Variants in IFT172 observed in about 807,000 individuals in gnomAD.
IFT172 encodes intraflagellar transport 172, also known as intraflagellar transport protein 172 homolog.
Under a neutral mutation model 248.9 loss-of-function variants are expected in IFT172, and 164 were observed. That is an observed-to-expected ratio of 0.66 (90% CI 0.58 to 0.75). The LOEUF is 0.75. Among genes scored for constraint, IFT172 ranks in the 30% least tolerant of loss-of-function variants. The pLI, the probability that IFT172 is intolerant of heterozygous loss-of-function variation, is 0.00. For missense variants in IFT172, 1,950 were observed against 2,192.4 expected (o/e 0.89, Z 2.21); for synonymous variants, 729 against 791.6 (o/e 0.92, Z 1.33).
intron 8 of IFT172, 116 bp from the exon 9 acceptor site, chr2:27,480,265 A>C: frequency 7.1e-7 from 1 of 1,400,666 alleles, no homozygotes; most frequent in Non-Finnish European, 9.4e-7. Flanking sequence ...AAATAAAAAG[A>C]ACAGACAAGC....
At position 27,462,723 on chromosome 2, in the gene IFT172, G is replaced by A; in HGVS notation, c.2093C>T (p.Ala698Val). ...LAMLEKNYKL[A>V]EMIFLEQNAV... The stretch of plus-strand genomic sequence containing the variant: ...TACCTGTTCCAAAAAGATCATTTCA[G>A]CCAGTTTGTAGTTCTTTTCCAGCAT... The change falls in exon 20 of 48, where the codon GCT (alanine) becomes GTT (valine). Residue 698 changes from alanine to valine, a missense_variant. By Grantham distance (64) the Ala-to-Val change is moderately conservative. Coordinates refer to ENST00000260570, the MANE Select transcript of IFT172 (RefSeq NM_015662.3). 4 of 1,613,640 alleles carry A rather than the reference G, an allele frequency of 2.5e-6. No homozygotes were observed. Among genetic ancestry groups the A allele is most frequent in the Non-Finnish European group, 3.4e-6 (4 of 1,179,802 alleles).
At position 27,448,950 on chromosome 2, in the gene IFT172, G is replaced by C; in HGVS notation, c.4393C>G (p.Leu1465Val). ...REGSSAQALA[L>V]YVQHGAPANP... is the part of the protein sequence containing the mutation. Reference sequence around the variant, plus strand: ...GCAGGGGCTCCGTGCTGTACATACAGGGCCAATGCCTGGGCAGAGCTACCC... The same window carrying C: ...GCAGGGGCTCCGTGCTGTACATACACGGCCAATGCCTGGGCAGAGCTACCC... Residue 1465 changes from leucine to valine, a missense_variant, in exon 40 of 48, where the codon CTG becomes GTG. By Grantham distance (32) the Leu-to-Val change is conservative. Coordinates refer to ENST00000260570, the MANE Select transcript of IFT172 (RefSeq NM_015662.3). 6.2e-7 allele frequency: 1 copy of C among 1,606,876 alleles called. No homozygotes were observed. The highest frequency in any genetic ancestry group is 1.1e-5 in the South Asian group (1 of 90,930).
intron 12 of IFT172, 62 bp from the exon 13 acceptor site, chr2:27,477,382 G>A (rs1668032885): frequency 1.4e-6 from 2 of 1,416,616 alleles, no homozygotes; most frequent in Non-Finnish European, 2.0e-6. Context: ...GTAGTGGGAG[G>A]TGTACTGTCA....
chr2:27,447,578 C>T lies in IFT172; in HGVS notation c.4596G>A (p.Lys1532=). The change falls in exon 42 of 48, where the codon AAG becomes AAA. Residue 1532 remains lysine (K), a synonymous_variant. Transcript: ENST00000260570. The part of the protein sequence containing the change: ...EANSPAHEEF[K]TMLLIAHYYA... ...AGTAATGAGCGATCAGCAGCATCGTCTTGAACTCCTCATGGGCTGGAGAGT... is the reference window on the plus strand; with the variant it reads ...AGTAATGAGCGATCAGCAGCATCGTTTTGAACTCCTCATGGGCTGGAGAGT... 1 of 1,614,174 alleles carries T rather than the reference C, an allele frequency of 6.2e-7. No homozygotes were observed. The highest frequency in any genetic ancestry group is 1.1e-5 in the South Asian group (1 of 91,084).
chr2:27,463,980 G>T (rs979944835), intron 18 of IFT172, among the ~76,000 whole-genome samples: 8 of 152,120 alleles, frequency 5.3e-5, no homozygotes, highest in Non-Finnish European at 1.0e-4. Flanking sequence ...CTAATGGAAG[G>T]TTCCAGTCAT....
chr2:27,474,076 G>A (rs1183153124), intron 14 of IFT172, among the ~76,000 whole-genome samples: 1 of 152,118 alleles, frequency 6.6e-6, no homozygotes, highest in Non-Finnish European at 1.5e-5. Flanking sequence ...TCAAAGTATT[G>A]GGATTATAGG....
intron 2 of IFT172, 112 bp from the exon 3 acceptor site, chr2:27,485,242 T>C: frequency 6.6e-7 from 1 of 1,524,106 alleles, no homozygotes. Flanking sequence ...GGATTTATAC[T>C]GAGAAAAAGG....
chr2:27,477,376 T>G, intron 12 of IFT172, 56 bp from the exon 13 acceptor site: 1 of 1,457,094 alleles, frequency 6.9e-7, no homozygotes, highest in Non-Finnish European at 9.6e-7. Flanking sequence ...AAAACAGTAG[T>G]GGGAGGTGTA....
Position 27,485,447 on chromosome 2 carries a change from A to T in IFT172, c.96T>A (p.Ala32=). 1.2e-6 allele frequency: 2 copies of T among 1,614,180 alleles called. No homozygotes were observed. The highest frequency in any genetic ancestry group is 1.7e-6 in the Non-Finnish European group (2 of 1,179,996). Residue 32 remains alanine, a synonymous_variant, in exon 2 of 48, where the codon GCT becomes GCA. Transcript: ENST00000260570. Reference sequence around the variant, plus strand: ...AGACCACTCGGTCCACTGTGCAGACAGCAAATTTGGCATTGTTCTGGGACC... The same window carrying T: ...AGACCACTCGGTCCACTGTGCAGACTGCAAATTTGGCATTGTTCTGGGACC... ...MAWSQNNAKF[A]VCTVDRVVLL...
rs71401571 is a variant in IFT172 at position 27,481,425 on chromosome 2, TCA to T, written c.571-167_571-166del. Among the ~76,000 whole-genome samples, 6,291 of 144,600 alleles carry T rather than the reference TCA, an allele frequency of 0.044. 231 individuals are homozygous for T. Among genetic ancestry groups the T allele is most frequent in the East Asian group, 0.17 (874 of 5,000 alleles). The allele number at this position is 144,600 out of a possible 152,430, so 94.9% of individuals were successfully genotyped here. On this transcript the variant is annotated intron_variant, in intron 7 of 47. Coordinates refer to ENST00000260570, the MANE Select transcript of IFT172 (RefSeq NM_015662.3). Reference sequence around the variant, plus strand: ...CTAATCCTGAACTCTTCACAAATTGTCACACACACACACACACACACACACAC... The same window carrying T: ...CTAATCCTGAACTCTTCACAAATTGTCACACACACACACACACACACACAC...
chr2:27,454,634 G>A lies in IFT172; in HGVS notation c.3398C>T (p.Ser1133Phe). ...GGTTTTGTGCTTGAGGGCCAGCCGA[G>A]AGAGTTCAAACGCAAATTCAAAGGA... Reference protein sequence around the residue: ...NCSFEFAFELSRLALKHKTPE... With the variant: ...NCSFEFAFELFRLALKHKTPE... Residue 1133 changes from serine to phenylalanine, a missense_variant, in exon 31 of 48, where the codon TCT (serine) becomes TTT (phenylalanine). Around this residue, in one of 3 missense-constraint regions of IFT172, gnomAD observed 164 missense variants for 239.3 expected, o/e 0.69. Coordinates refer to ENST00000260570, the MANE Select transcript of IFT172 (RefSeq NM_015662.3). This position sits in a 1 kb window ranked among gnomAD's most constrained non-coding sequence, Gnocchi z 4.2. 6.2e-7 allele frequency: 1 copy of A among 1,614,150 alleles called. No homozygotes were observed. Among genetic ancestry groups the A allele is most frequent in the East Asian group, 2.2e-5 (1 of 44,878 alleles).
At chr2:27,452,566 T>G (rs1026330539) in intron 35 of IFT172, among the ~76,000 whole-genome samples, 4 of 152,242 alleles carry the variant, frequency 2.6e-5, no homozygotes, top group African/African-American at 9.6e-5. Context: ...CAAACCTAGA[T>G]GGTATAGTCT....
chr2:27,468,587 C>T (rs756740258), intron 16 of IFT172, among the ~76,000 whole-genome samples: 28 of 152,104 alleles, frequency 1.8e-4, no homozygotes, highest in Non-Finnish European at 3.7e-4. Flanking sequence ...CGATGGTTAA[C>T]GCCTGTAATC....
intron 37 of IFT172, 31 bp from the exon 38 acceptor site, chr2:27,449,593 A>G (rs1430910438): frequency 6.2e-7 from 1 of 1,614,038 alleles, no homozygotes; most frequent in Admixed American, 1.7e-5. Flanking sequence ...CTCCATCTTC[A>G]TGTTCCAGAA....
Position 27,470,982 on chromosome 2 carries a change from C to CA in IFT172, c.1637dup (p.Cys547ValfsTer7). The stretch of plus-strand genomic sequence containing the variant: ...GTGCCTCAATGTTGTACCATACACA[C>CA]AGACTGTTTCGGTTCTGAGCTACCA... On this transcript the variant is annotated frameshift_variant, in exon 16 of 48. Coordinates refer to ENST00000260570, the MANE Select transcript of IFT172 (RefSeq NM_015662.3). LOFTEE classifies it high-confidence loss of function. 6.2e-7 allele frequency: 1 copy of CA among 1,613,888 alleles called. No individual in the cohort carries two copies. Among genetic ancestry groups the CA allele is most frequent in the Non-Finnish European group, 8.5e-7 (1 of 1,179,952 alleles).
chr2:27,476,984 T>C, intron 13 of IFT172: 1 of 589,962 alleles, frequency 1.7e-6, no homozygotes, highest in Non-Finnish European at 3.0e-6. Flanking sequence ...CCACCATGCC[T>C]GGATAATTTT....
Position 27,472,293 on chromosome 2 carries a change from T to C in IFT172, c.1481A>G (p.Asn494Ser), listed in dbSNP as rs1487066977. 1.2e-6 allele frequency: 2 copies of C among 1,614,096 alleles called. No individual in the cohort carries two copies. Among genetic ancestry groups the C allele is most frequent in the Admixed American group, 3.3e-5 (2 of 60,000 alleles). Residue 494 changes from asparagine (N) to serine (S), a missense_variant, in exon 15 of 48, where the codon AAT becomes AGT. Around this residue, in one of 3 missense-constraint regions of IFT172, gnomAD observed 1,166 missense variants for 1,254.1 expected, o/e 0.93. Transcript: ENST00000260570. ...GAAGAGGAGCTTGTGTCCAGTCTCA[T>C]TAAGTTCCAGCCAATCCACACGGCT... ...HESRVDWLEL[N>S]ETGHKLLFRD...
In IFT172 at chr2:27,470,892, A is replaced by C. The variant is rs1359325135; in HGVS notation, c.1692+36T>G. The stretch of plus-strand genomic sequence containing the variant: ...CCTCATGGCTCTAATTAATCAGCTC[A>C]ATACCACATCTGAGGGCCCCTAGTG... On this transcript the variant is annotated intron_variant, in intron 16 of 47. Coordinates refer to ENST00000260570, the MANE Select transcript of IFT172 (RefSeq NM_015662.3). 2.0e-6 allele frequency: 3 copies of C among 1,537,544 alleles called. No homozygotes were observed. In the South Asian group the frequency reaches 3.8e-5, roughly 20 times the overall value.
Position 27,459,532 on chromosome 2 carries a change from T to G in IFT172, c.2643-10A>C. 1.2e-6 allele frequency: 2 copies of G among 1,613,892 alleles called. No homozygotes were observed. Among genetic ancestry groups the G allele is most frequent in the Non-Finnish European group, 1.7e-6 (2 of 1,179,892 alleles). ...TGCCTTAATGGAGCACCTGGCAAAGTTGGGAAAGATATAAATATGTAGGAT... is the reference window on the plus strand; with the variant it reads ...TGCCTTAATGGAGCACCTGGCAAAGGTGGGAAAGATATAAATATGTAGGAT... On this transcript the variant is annotated splice_polypyrimidine_tract_variant and intron_variant, in intron 24 of 47. Transcript: ENST00000260570.
Sources: gnomAD v4.1 joint callset for allele counts (sites outside exome capture counted in the v4.1 genomes callset) on GRCh38, gnomAD v4.1.1 for gene constraint, gnomAD v4.1.1 regional missense constraint, Gnocchi (gnomAD v3.1) non-coding constraint, MANE v1.5 for transcripts, NCBI Gene and HGNC (gene_info 2026-07-23, HGNC 2026-07-21) for gene names.